ROBO1: variants seen among roughly 807,000 people sequenced by gnomAD.
ROBO1 encodes roundabout homolog 1.
Under a neutral mutation model 195.9 loss-of-function variants are expected in ROBO1, and 149 were observed. That is an observed-to-expected ratio of 0.76 (90% CI 0.67 to 0.87). The LOEUF (loss-of-function observed/expected upper bound fraction) is 0.87. Ranked by LOEUF, ROBO1 falls within the 40% of genes least tolerant of loss-of-function variation. The probability of loss-of-function intolerance (pLI) is 0.00; values close to 1 mark genes in which losing one functional copy is unlikely to be tolerated. For missense variants in ROBO1, 1,933 were observed against 2,068.3 expected, an observed-to-expected ratio of 0.93 and a Z score of 1.27; for synonymous variants, 816 against 733.2, an observed-to-expected ratio of 1.11 and a Z score of -1.82.
At chr3:79,704,941 T>A (rs1947724023) in intron 1 of ROBO1, among the ~76,000 whole-genome samples, 1 of 152,036 alleles carries the variant, frequency 6.6e-6, no homozygotes, top group Non-Finnish European at 1.5e-5. Flanking sequence ...ACATATGATA[T>A]GGAGCTTCTT....
At chr3:79,123,992 A>G (rs1052329739) in intron 3 of ROBO1, among the ~76,000 whole-genome samples, 1 of 152,214 alleles carries the variant, frequency 6.6e-6, no homozygotes, top group African/African-American at 2.4e-5. Context: ...CTATTATTGT[A>G]TCAAAACAAT....
rs1226914101 is a variant in ROBO1, at chr3:78,956,366, G to C, written c.173-17439C>G. ...ATTATTGATAATATAATGCCTACAT[G>C]CATTTATCATTTTGTATTTTAACGC... On this transcript the variant is annotated intron_variant, in intron 3 of 30. Transcript: ENST00000464233. Among the ~76,000 whole-genome samples the C allele has an allele frequency of 2.6e-5, 4 of 152,012 alleles. No individual in the cohort carries two copies. In the East Asian group the frequency reaches 7.7e-4, roughly 29 times the overall value.
rs2078407222 is a variant in ROBO1, at chr3:79,037,814, G to A, written c.172+87642C>T. Among the ~76,000 whole-genome samples the A allele has an allele frequency of 1.3e-5, 2 of 152,126 alleles. 1 individual carries two copies. Among genetic ancestry groups the A allele is most frequent in the East Asian group, 3.9e-4 (2 of 5,186 alleles). On this transcript the variant is annotated intron_variant, in intron 3 of 30. Transcript: ENST00000464233. ...TTATGTTCTAATTTAGCTTTCAGTTGGAGTTTATTACGAACGGGAACTAAA... is the reference window on the plus strand; with the variant it reads ...TTATGTTCTAATTTAGCTTTCAGTTAGAGTTTATTACGAACGGGAACTAAA...
intron 4 of ROBO1, among the ~76,000 whole-genome samples, chr3:78,845,787 G>C (rs1001987752): frequency 6.6e-6 from 1 of 152,090 alleles, no homozygotes; most frequent in African/African-American, 2.4e-5. Context: ...AGTTGCTCTG[G>C]AAAAGTGCAA....
At chr3:79,001,873 A>C (rs2077512945) in intron 3 of ROBO1, among the ~76,000 whole-genome samples, 1 of 152,176 alleles carries the variant, frequency 6.6e-6, no homozygotes, top group Admixed American at 6.6e-5. Flanking sequence ...AATATTAGAT[A>C]ACATAAACTT....
At chr3:79,166,560 C>CTTTTTTTT (rs968334923) in intron 2 of ROBO1, among the ~76,000 whole-genome samples, 4,669 of 134,630 alleles carry the variant, frequency 0.035, 87 homozygotes, top group Middle Eastern at 0.075. Flanking sequence ...TTCTATTTTT[C>CTTTTTTTT]TTTTTTTTTT....
At chr3:79,142,367 A>C (rs2080545626) in intron 2 of ROBO1, among the ~76,000 whole-genome samples, 1 of 152,124 alleles carries the variant, frequency 6.6e-6, no homozygotes, top group African/African-American at 2.4e-5. Context: ...AGTCCTCTAT[A>C]AATGTTCCTT....
At chr3:78,977,863 G>T (rs1425447473) in intron 3 of ROBO1, among the ~76,000 whole-genome samples, 1 of 151,926 alleles carries the variant, frequency 6.6e-6, no homozygotes, top group Non-Finnish European at 1.5e-5. Context: ...CTACTTAACA[G>T]TCTATTAATG....
intron 2 of ROBO1, among the ~76,000 whole-genome samples, chr3:79,205,839 G>A (rs2081856792): frequency 6.6e-6 from 1 of 152,044 alleles, no homozygotes; most frequent in Non-Finnish European, 1.5e-5. Flanking sequence ...TAACTTATTT[G>A]AGAAAGTTAA....
intron 2 of ROBO1, among the ~76,000 whole-genome samples, chr3:79,229,387 T>C (rs1576844775): frequency 6.6e-6 from 1 of 152,124 alleles, no homozygotes; most frequent in African/African-American, 2.4e-5. Flanking sequence ...AAAAAATCAC[T>C]TGGATTTCAC....
Position 79,767,881 on chromosome 3 carries a change from T to C in ROBO1, c.-180A>G, listed in dbSNP as rs1559568781. 6.6e-6 allele frequency: 1 copy of C among 151,878 alleles called. No individual in the cohort carries two copies. Among genetic ancestry groups the C allele is most frequent in the East Asian group, 1.9e-4 (1 of 5,180 alleles). The allele number at this position is 151,878 out of a possible 1,614,324, so 9.4% of individuals were successfully genotyped here. On this transcript the variant is annotated 5_prime_UTR_variant, in exon 1 of 31. Coordinates refer to ENST00000464233, the MANE Select transcript of ROBO1 (RefSeq NM_002941.4). Reference sequence around the variant, plus strand: ...GGTGACAGACTTTTAAACCTAAGAGTGGGGAAATAGGGAGAGAGTGAAGTC... The same window carrying C: ...GGTGACAGACTTTTAAACCTAAGAGCGGGGAAATAGGGAGAGAGTGAAGTC...
At chr3:79,244,415 A>T (rs2082583348) in intron 2 of ROBO1, among the ~76,000 whole-genome samples, 1 of 152,168 alleles carries the variant, frequency 6.6e-6, no homozygotes, top group Admixed American at 6.6e-5. Flanking sequence ...TCCATCTTTA[A>T]GCTCAGTCTT....
At chr3:78,622,385 C>A (rs1042456243) in intron 26 of ROBO1, among the ~76,000 whole-genome samples, 3 of 152,096 alleles carry the variant, frequency 2.0e-5, no homozygotes, top group Non-Finnish European at 4.4e-5. Context: ...ATTCTTTAAA[C>A]ATTTACTGTG....
At chr3:78,821,721 T>C (rs983829042) in intron 4 of ROBO1, among the ~76,000 whole-genome samples, 6 of 152,260 alleles carry the variant, frequency 3.9e-5, no homozygotes, top group Admixed American at 6.5e-5. Context: ...CCCAAAGAGA[T>C]TGAGGTTGCA....
intron 4 of ROBO1, among the ~76,000 whole-genome samples, chr3:78,787,702 G>C (rs999459819): frequency 8.6e-5 from 13 of 152,026 alleles, no homozygotes; most frequent in African/African-American, 3.1e-4. Flanking sequence ...CAGCACTTTG[G>C]GAGACCAAGG....
chr3:79,383,523 ACACT>A (rs1461701476), intron 2 of ROBO1, among the ~76,000 whole-genome samples: 5 of 152,156 alleles, frequency 3.3e-5, no homozygotes, highest in African/African-American at 9.6e-5. Context: ...TGTTACAAAA[ACACT>A]CACAACAGTC....
chr3:79,598,151 C>T (rs1944235277), intron 1 of ROBO1, among the ~76,000 whole-genome samples: 2 of 152,052 alleles, frequency 1.3e-5, no homozygotes, highest in South Asian at 2.1e-4. Context: ...TATTCTATGT[C>T]CACATTGTAC....
intron 2 of ROBO1, among the ~76,000 whole-genome samples, chr3:79,354,240 C>T (rs996629257): frequency 2.6e-5 from 4 of 152,096 alleles, no homozygotes; most frequent in Non-Finnish European, 5.9e-5. Flanking sequence ...TCAGACTTAA[C>T]GCTAACCACA....
intron 3 of ROBO1, among the ~76,000 whole-genome samples, chr3:79,038,045 T>C (rs1030563075): frequency 6.6e-6 from 1 of 152,188 alleles, no homozygotes; most frequent in Non-Finnish European, 1.5e-5. Context: ...AAGTGCCATA[T>C]AATAGCACTT....
Sources: allele counts gnomAD v4.1 joint callset (sites outside exome capture counted in the v4.1 genomes callset), GRCh38; gene constraint gnomAD v4.1.1; transcripts MANE v1.5; gene names NCBI Gene and HGNC (gene_info 2026-07-23, HGNC 2026-07-21).